ZBTB20: variants seen among roughly 807,000 people sequenced by gnomAD.
ZBTB20 encodes the protein zinc finger and BTB domain containing 20.
A neutral mutation model predicts 56.9 loss-of-function variants in ZBTB20; 9 were observed. That is an observed-to-expected ratio of 0.16 (90% CI 0.10 to 0.28). ZBTB20 has a LOEUF of 0.28. ZBTB20 is among the 10% of genes least tolerant of loss of function. ZBTB20 has a pLI of 1.00. For missense variants in ZBTB20, 655 were observed against 1,003.0 expected, an observed-to-expected ratio of 0.65 and a Z score of 4.69; for synonymous variants, 417 against 420.7, an observed-to-expected ratio of 0.99 and a Z score of 0.11.
intron 6 of ZBTB20, among the ~76,000 whole-genome samples, chr3:114,615,438 G>A (rs929999964): frequency 1.3e-5 from 2 of 152,104 alleles, no homozygotes; most frequent in African/African-American, 2.4e-5. Context: ...GGCAAAGAAG[G>A]GCAAGTTGGG....
At chr3:114,769,983 T>A (rs112561521) in intron 5 of ZBTB20, among the ~76,000 whole-genome samples, 75 of 150,464 alleles carry the variant, frequency 5.0e-4, no homozygotes, top group African/African-American at 1.8e-3. Flanking sequence ...CACTTTAACC[T>A]GGAAGGCAGA....
At chr3:114,395,011 C>T (rs1168103989) in intron 7 of ZBTB20, among the ~76,000 whole-genome samples, 3 of 152,044 alleles carry the variant, frequency 2.0e-5, no homozygotes, top group Non-Finnish European at 4.4e-5. Context: ...ATTCAAATAA[C>T]ACCTTCCCTC....
At chr3:115,131,699 T>C (rs1183349638) in intron 1 of ZBTB20, among the ~76,000 whole-genome samples, 2 of 152,228 alleles carry the variant, frequency 1.3e-5, no homozygotes, top group Admixed American at 6.5e-5. Flanking sequence ...AGGTTTTTGG[T>C]AGTCTTACAA....
At chr3:114,894,636 C>T (rs2074794219) in intron 4 of ZBTB20, among the ~76,000 whole-genome samples, 1 of 152,082 alleles carries the variant, frequency 6.6e-6, no homozygotes, top group African/African-American at 2.4e-5. Flanking sequence ...GAGACAGATA[C>T]TTACAGAGGG....
rs2079536580 is a variant in ZBTB20 at position 114,338,427 on chromosome 3, A to G, written c.*578T>C. On this transcript the variant is annotated 3_prime_UTR_variant, in exon 12 of 12. Transcript: ENST00000675478. ...AACCCACTGCCCTTCCCACCCCCACAGCCCTTTTATGAAATCAGACAACGT... is the reference window on the plus strand; with the variant it reads ...AACCCACTGCCCTTCCCACCCCCACGGCCCTTTTATGAAATCAGACAACGT... The G allele has an allele frequency of 6.6e-6, 1 of 152,138 alleles. No individual in the cohort carries two copies. Among genetic ancestry groups the G allele is most frequent in the Non-Finnish European group, 1.5e-5 (1 of 68,024 alleles). 9.4% of individuals were successfully genotyped at this position (152,138 alleles called of 1,614,324 possible).
chr3:114,445,144 TC>T (rs1470268099), intron 7 of ZBTB20, among the ~76,000 whole-genome samples: 1 of 152,182 alleles, frequency 6.6e-6, no homozygotes, highest in Non-Finnish European at 1.5e-5. Context: ...CTTACATAAA[TC>T]TTTAAGCAGA....
At chr3:115,015,065 G>A (rs955971175) in intron 2 of ZBTB20, among the ~76,000 whole-genome samples, 4 of 151,774 alleles carry the variant, frequency 2.6e-5, no homozygotes, top group Admixed American at 1.3e-4. Context: ...AGCAATAGTT[G>A]TGGTCTTACT....
At chr3:114,738,561 G>A (rs1326903052) in intron 5 of ZBTB20, among the ~76,000 whole-genome samples, 1 of 152,142 alleles carries the variant, frequency 6.6e-6, no homozygotes, top group African/African-American at 2.4e-5. Context: ...TAGGTCAAAT[G>A]TCACACTTCT....
At chr3:114,936,636 T>C (rs1029605464) in intron 3 of ZBTB20, among the ~76,000 whole-genome samples, 2 of 152,210 alleles carry the variant, frequency 1.3e-5, no homozygotes, top group African/African-American at 4.8e-5. Context: ...AAACAAAGCA[T>C]GTGCAATCTC....
intron 10 of ZBTB20, among the ~76,000 whole-genome samples, chr3:114,354,553 T>C (rs1576307886): frequency 6.7e-6 from 1 of 148,168 alleles, no homozygotes; most frequent in Admixed American, 6.9e-5. Flanking sequence ...CCTATGTGTG[T>C]TCTGAACAGG....
intron 7 of ZBTB20, among the ~76,000 whole-genome samples, chr3:114,395,647 A>G (rs2086270284): frequency 6.6e-6 from 1 of 152,200 alleles, no homozygotes; most frequent in African/African-American, 2.4e-5. Flanking sequence ...CATCACGGCC[A>G]GATAAACTAA....
At chr3:115,091,988 T>C (rs2083213211) in intron 1 of ZBTB20, among the ~76,000 whole-genome samples, 2 of 152,224 alleles carry the variant, frequency 1.3e-5, no homozygotes, top group African/African-American at 4.8e-5. Flanking sequence ...ATGCCTGAAA[T>C]GACCGAGCTT....
intron 2 of ZBTB20, among the ~76,000 whole-genome samples, chr3:114,990,131 A>G (rs1203021190): frequency 6.6e-6 from 1 of 152,188 alleles, no homozygotes; most frequent in Non-Finnish European, 1.5e-5. Flanking sequence ...CAGAACTTCC[A>G]ACACTATGTT....
At chr3:115,139,874 T>C (rs1286187964) in intron 1 of ZBTB20, among the ~76,000 whole-genome samples, 1 of 152,064 alleles carries the variant, frequency 6.6e-6, no homozygotes, top group Non-Finnish European at 1.5e-5. Flanking sequence ...AGATTTATTA[T>C]ACTTACCCAC....
At chr3:114,363,996 G>A (rs1354440560) in intron 10 of ZBTB20, among the ~76,000 whole-genome samples, 2 of 151,938 alleles carry the variant, frequency 1.3e-5, no homozygotes, top group Admixed American at 1.3e-4. Context: ...ATACATAACA[G>A]TACATGGCCT....
At chr3:115,010,482 G>T (rs908605829) in intron 2 of ZBTB20, among the ~76,000 whole-genome samples, 6 of 151,900 alleles carry the variant, frequency 3.9e-5, no homozygotes, top group Admixed American at 6.6e-5. Flanking sequence ...AGAAAACAAG[G>T]AAAGAGAACA....
At chr3:114,376,436 T>A (rs562297525) in intron 10 of ZBTB20, among the ~76,000 whole-genome samples, 1 of 152,326 alleles carries the variant, frequency 6.6e-6, no homozygotes, top group South Asian at 2.1e-4. Flanking sequence ...TTAATGGAGT[T>A]TGCCATAAAA....
chr3:114,659,946 G>C (rs575100495), intron 6 of ZBTB20, among the ~76,000 whole-genome samples: 1 of 151,790 alleles, frequency 6.6e-6, no homozygotes. Context: ...GGTAGAAAAG[G>C]GAAATGATTC....
intron 5 of ZBTB20, among the ~76,000 whole-genome samples, chr3:114,778,342 T>A (rs1312472576): frequency 2.1e-5 from 3 of 146,036 alleles, no homozygotes; most frequent in Non-Finnish European, 4.5e-5. Context: ...AGAGCAAAAC[T>A]CCATCTCAAA....
Sources: gnomAD v4.1 joint callset for allele counts (sites outside exome capture counted in the v4.1 genomes callset) on GRCh38, gnomAD v4.1.1 for gene constraint, MANE v1.5 for transcripts, NCBI Gene and HGNC (gene_info 2026-07-23, HGNC 2026-07-21) for gene names.